PRKCE: variants seen among roughly 807,000 people sequenced by gnomAD.
The protein encoded by PRKCE is protein kinase C epsilon, also known as protein kinase C epsilon type.
PRKCE carries 16 observed loss-of-function variants against 85.4 expected under a neutral mutation model. The ratio of observed to expected loss-of-function variants is 0.19; its 90% CI spans 0.13 to 0.28. The LOEUF (loss-of-function observed/expected upper bound fraction) is 0.28, where lower values mean the gene tolerates loss of function less well. Ranked by LOEUF, PRKCE falls within the 10% of genes least tolerant of loss-of-function variation. PRKCE has a pLI of 1.00. For missense variants in PRKCE, 573 were observed against 975.2 expected (o/e 0.59, Z 5.49); for synonymous variants, 388 against 371.5 (o/e 1.04, Z -0.51).
intron 2 of PRKCE, among the ~76,000 whole-genome samples, chr2:45,937,893 C>G (rs533962199): frequency 8.7e-4 from 132 of 152,270 alleles, no homozygotes; most frequent in African/African-American, 3.0e-3. Context: ...GGTGAGGAAA[C>G]TGAGGCTCAG....
intron 5 of PRKCE, among the ~76,000 whole-genome samples, chr2:45,980,702 A>G (rs1030826967): frequency 2.0e-5 from 3 of 152,148 alleles, no homozygotes; most frequent in African/African-American, 7.2e-5. Flanking sequence ...ATGTGTCACT[A>G]GCTCCTCACA....
chr2:45,784,501 C>T (rs997072987), intron 1 of PRKCE, among the ~76,000 whole-genome samples: 4 of 152,156 alleles, frequency 2.6e-5, no homozygotes, highest in African/African-American at 7.2e-5. Context: ...TTTGCAAAGT[C>T]GGAATCCAAT....
chr2:46,095,111 T>C (rs146823490), intron 11 of PRKCE, among the ~76,000 whole-genome samples: 3 of 152,238 alleles, frequency 2.0e-5, no homozygotes, highest in Non-Finnish European at 4.4e-5. Context: ...TTCTCTTCTG[T>C]TTTCTCTTTC....
intron 10 of PRKCE, among the ~76,000 whole-genome samples, chr2:46,025,425 A>T (rs1367339570): frequency 6.6e-6 from 1 of 152,210 alleles, no homozygotes; most frequent in African/African-American, 2.4e-5. Context: ...ATAGAAAAAG[A>T]CACAATCCTT....
At chr2:45,888,364 C>G (rs1695451143) in intron 2 of PRKCE, among the ~76,000 whole-genome samples, 1 of 151,694 alleles carries the variant, frequency 6.6e-6, no homozygotes, top group Non-Finnish European at 1.5e-5. Context: ...TTGTGAATCT[C>G]TAGATGTGGA....
At chr2:45,891,434 G>T (rs1234770895) in intron 2 of PRKCE, among the ~76,000 whole-genome samples, 1 of 152,190 alleles carries the variant, frequency 6.6e-6, no homozygotes, top group African/African-American at 2.4e-5. Context: ...CACAAAAGCT[G>T]CCACCATTGC....
At chr2:45,692,384 C>G (rs553273595) in intron 1 of PRKCE, among the ~76,000 whole-genome samples, 1 of 152,102 alleles carries the variant, frequency 6.6e-6, no homozygotes. Context: ...GTGTTAGCAC[C>G]GCTCTGCTCC....
intron 10 of PRKCE, among the ~76,000 whole-genome samples, chr2:46,015,494 T>C (rs899752884): frequency 6.6e-6 from 1 of 152,088 alleles, no homozygotes; most frequent in Non-Finnish European, 1.5e-5. Flanking sequence ...CTAGAGAATC[T>C]CCCTTAGCCA....
At chr2:46,051,691 T>G (rs1379980349) in intron 10 of PRKCE, among the ~76,000 whole-genome samples, 1 of 152,202 alleles carries the variant, frequency 6.6e-6, no homozygotes, top group African/African-American at 2.4e-5. Flanking sequence ...GTTTTTACCT[T>G]AGTGAAATAA....
Position 46,186,927 on chromosome 2 carries a change from A to C in PRKCE, c.*2046A>C, listed in dbSNP as rs114955934. On this transcript the variant is annotated 3_prime_UTR_variant, in exon 15 of 15. Transcript: ENST00000306156. ...AAATATTAAATATTATGATATATCA[A>C]TTCATGTGTTTGGCATACCAGTGAA... 2.2e-3 allele frequency: 329 copies of C among 152,514 alleles called. 1 individual carries two copies. The highest frequency in any genetic ancestry group is 7.5e-3 in the African/African-American group (312 of 41,406). 9.4% of individuals were successfully genotyped at this position (152,514 alleles called of 1,614,324 possible).
intron 1 of PRKCE, among the ~76,000 whole-genome samples, chr2:45,791,237 G>A (rs774870445): frequency 6.6e-6 from 1 of 152,156 alleles, no homozygotes; most frequent in African/African-American, 2.4e-5. Context: ...TACATATTGA[G>A]CTTTCTGGTA....
In PRKCE at chr2:46,016,771, C is replaced by T. The variant is rs149150509; in HGVS notation, c.1437+6254C>T. Among the ~76,000 whole-genome samples, 1,253 of 151,766 alleles carry T rather than the reference C, an allele frequency of 8.3e-3. 38 individuals are homozygous for T. In the East Asian group the frequency reaches 0.1, roughly 13 times the overall value. ...TAAAAATACAAAAATTATCCGGACA[C>T]GGTGGCGGGCACCTGTAATCCCAGC... On this transcript the variant is annotated intron_variant, in intron 10 of 14. Coordinates refer to ENST00000306156, the MANE Select transcript of PRKCE (RefSeq NM_005400.3).
intron 1 of PRKCE, among the ~76,000 whole-genome samples, chr2:45,773,382 G>A (rs545040489): frequency 6.6e-6 from 1 of 152,316 alleles, no homozygotes; most frequent in South Asian, 2.1e-4. Flanking sequence ...GCCTGGCCCT[G>A]TGCTAAGCAC....
intron 2 of PRKCE, among the ~76,000 whole-genome samples, chr2:45,901,385 C>A (rs1229677296): frequency 6.6e-6 from 1 of 152,178 alleles, no homozygotes; most frequent in Non-Finnish European, 1.5e-5. Flanking sequence ...TTAGCCTGTT[C>A]ACATATTTCT....
At position 46,173,717 on chromosome 2, in the gene PRKCE, T is replaced by A. The variant is rs550909667; in HGVS notation, c.2068-11018T>A. Among the ~76,000 whole-genome samples, 5 of 152,354 alleles carry A rather than the reference T, an allele frequency of 3.3e-5. 1 individual carries two copies. In the South Asian group the frequency reaches 1.0e-3, roughly 32 times the overall value. On this transcript the variant is annotated intron_variant, in intron 14 of 14. Coordinates refer to ENST00000306156, the MANE Select transcript of PRKCE (RefSeq NM_005400.3). ...TAGAAGTTTGGTGGCAACTTCTTTATAACAGGGACACCTGCTTGCCTCTGT... is the reference window on the plus strand; with the variant it reads ...TAGAAGTTTGGTGGCAACTTCTTTAAAACAGGGACACCTGCTTGCCTCTGT...
At chr2:45,705,840 G>A (rs188318411) in intron 1 of PRKCE, among the ~76,000 whole-genome samples, 222 of 152,312 alleles carry the variant, frequency 1.5e-3, no homozygotes, top group Non-Finnish European at 1.9e-3. Context: ...GCCTGGCTTT[G>A]TAGCTGAAGA....
chr2:46,089,112 T>C (rs1299242468), intron 11 of PRKCE, among the ~76,000 whole-genome samples: 1 of 151,696 alleles, frequency 6.6e-6, no homozygotes, highest in Admixed American at 6.5e-5. Flanking sequence ...TGCCTTCCCA[T>C]TGTCCTAACC....
At position 46,151,208 on chromosome 2, in the gene PRKCE, G is replaced by A. The variant is rs980273706; in HGVS notation, c.1899G>A (p.Glu633=). ...DVLYPVWLSK[E]AVSILKAFMT... ...TGTACCCAGTCTGGCTCAGCAAGGAGGCTGTCAGCATCTTGAAAGCTGTGA... is the reference window on the plus strand; with the variant it reads ...TGTACCCAGTCTGGCTCAGCAAGGAAGCTGTCAGCATCTTGAAAGCTGTGA... The change falls in exon 13 of 15, where the codon GAG becomes GAA. Residue 633 remains glutamate, a synonymous_variant. Coordinates refer to ENST00000306156, the MANE Select transcript of PRKCE (RefSeq NM_005400.3). The A allele has an allele frequency of 6.3e-7, 1 of 1,597,962 alleles. No homozygotes were observed. Among genetic ancestry groups the A allele is most frequent in the African/African-American group, 1.3e-5 (1 of 74,744 alleles).
intron 11 of PRKCE, among the ~76,000 whole-genome samples, chr2:46,098,696 A>G (rs538983999): frequency 1.9e-4 from 29 of 152,350 alleles, no homozygotes; most frequent in Admixed American, 1.2e-3. Flanking sequence ...TATTGCTGCA[A>G]TATATTCAAC....
Sources: gnomAD v4.1 joint callset for allele counts (sites outside exome capture counted in the v4.1 genomes callset) on GRCh38, gnomAD v4.1.1 for gene constraint, MANE v1.5 for transcripts, NCBI Gene and HGNC (gene_info 2026-07-23, HGNC 2026-07-21) for gene names.